Variants in LRP1B observed in about 807,000 individuals in gnomAD.
LRP1B encodes the protein LDL receptor related protein 1B.
Under a neutral mutation model 556.6 loss-of-function variants are expected in LRP1B, and 217 were observed. The ratio of observed to expected loss-of-function variants is 0.39; its 90% CI spans 0.35 to 0.44. The LOEUF (loss-of-function observed/expected upper bound fraction) is 0.44, where lower values mean the gene tolerates loss of function less well. Among genes scored for constraint, LRP1B ranks in the 20% least tolerant of loss-of-function variants. LRP1B has a pLI of 1.00. For missense variants in LRP1B, 5,053 were observed against 5,620.8 expected, an observed-to-expected ratio of 0.90 and a Z score of 3.23; for synonymous variants, 2,047 against 1,865.8, an observed-to-expected ratio of 1.10 and a Z score of -2.50.
chr2:141,721,856 C>T (rs1692826118), intron 2 of LRP1B, among the ~76,000 whole-genome samples: 1 of 152,136 alleles, frequency 6.6e-6, no homozygotes, highest in Admixed American at 6.6e-5. Flanking sequence ...TCAACTGCAT[C>T]CTTTATCCAG....
chr2:141,718,150 A>C (rs770758474), intron 2 of LRP1B, among the ~76,000 whole-genome samples: 3 of 152,208 alleles, frequency 2.0e-5, no homozygotes, highest in Non-Finnish European at 4.4e-5. Flanking sequence ...GACTCTTTGC[A>C]CACAGCTGGA....
intron 41 of LRP1B, among the ~76,000 whole-genome samples, chr2:140,656,298 T>C (rs1684877015): frequency 6.6e-6 from 1 of 152,178 alleles, no homozygotes; most frequent in African/African-American, 2.4e-5. Context: ...TTTAAAGGGA[T>C]GTACTAATTC....
In LRP1B at chr2:141,657,837, A is replaced by G. The variant is rs1165352724; in HGVS notation, c.205+152442T>C. ...GCCTTTCTGAAATAATCTTTTGTTA[A>G]GTAAAACATCCTCCTTTATTCAAAT... On this transcript the variant is annotated intron_variant, in intron 2 of 90. Coordinates refer to ENST00000389484, the MANE Select transcript of LRP1B (RefSeq NM_018557.3). Among the ~76,000 whole-genome samples the G allele has an allele frequency of 4.6e-5, 7 of 152,166 alleles. No individual in the cohort carries two copies. In the South Asian group the frequency reaches 1.4e-3, roughly 32 times the overall value.
intron 86 of LRP1B, among the ~76,000 whole-genome samples, chr2:140,267,339 TG>T (rs1682252602): frequency 6.6e-6 from 1 of 151,994 alleles, no homozygotes; most frequent in Non-Finnish European, 1.5e-5. Flanking sequence ...TCAGTATCTG[TG>T]GGGAACTGGT....
At chr2:140,702,645 C>T (rs1686692092) in intron 37 of LRP1B, 92 bp from the exon 38 acceptor site, 4 of 1,067,614 alleles carry the variant, frequency 3.7e-6, no homozygotes, top group Admixed American at 2.1e-5. Flanking sequence ...ACAGCAGTAG[C>T]ATTCACACTA....
At chr2:141,620,663 A>T (rs58734528) in intron 2 of LRP1B, among the ~76,000 whole-genome samples, 3,239 of 152,262 alleles carry the variant, frequency 0.021, 117 homozygotes, top group African/African-American at 0.074. Context: ...TGTTCAAATC[A>T]CTCATGGTGG....
intron 29 of LRP1B, among the ~76,000 whole-genome samples, chr2:140,849,395 AC>A (rs1559154964): frequency 4.3e-5 from 3 of 70,242 alleles, no homozygotes; most frequent in African/African-American, 1.2e-4. Flanking sequence ...AAAACAAAAA[AC>A]AAAAAACAAA....
intron 2 of LRP1B, among the ~76,000 whole-genome samples, chr2:141,608,730 T>C (rs1688006373): frequency 6.6e-6 from 1 of 152,218 alleles, no homozygotes; most frequent in Non-Finnish European, 1.5e-5. Context: ...TATGGCCCAT[T>C]AACAACAAAT....
chr2:140,589,673 T>G (rs1247623270), intron 43 of LRP1B, among the ~76,000 whole-genome samples: 2 of 152,200 alleles, frequency 1.3e-5, no homozygotes, highest in East Asian at 1.9e-4. Flanking sequence ...TTTTACTGAA[T>G]GGAAAGGGTC....
chr2:141,540,308 AG>A (rs971538316), intron 2 of LRP1B, among the ~76,000 whole-genome samples: 6 of 151,232 alleles, frequency 4.0e-5, no homozygotes, highest in African/African-American at 1.5e-4. Context: ...CAAAAAAAAA[AG>A]CATAAAAACA....
intron 3 of LRP1B, among the ~76,000 whole-genome samples, chr2:141,306,143 A>T (rs771369224): frequency 2.1e-4 from 26 of 124,106 alleles, no homozygotes; most frequent in Non-Finnish European, 3.9e-4. Flanking sequence ...AATTATTTAG[A>T]ATAGTTTGAG....
intron 3 of LRP1B, among the ~76,000 whole-genome samples, chr2:141,465,543 C>CTCTT (rs748655842): frequency 1.7e-5 from 2 of 117,314 alleles, no homozygotes; most frequent in Non-Finnish European, 3.8e-5. Flanking sequence ...CACAGCATGA[C>CTCTT]TTTTTTTTTT....
chr2:140,612,154 G>A (rs1181966237), intron 41 of LRP1B, among the ~76,000 whole-genome samples: 1 of 152,014 alleles, frequency 6.6e-6, no homozygotes, highest in Non-Finnish European at 1.5e-5. Context: ...GTCTATACTA[G>A]AAGAAAAAGT....
intron 32 of LRP1B, among the ~76,000 whole-genome samples, chr2:140,788,923 A>T (rs112358189): frequency 2.3e-4 from 35 of 152,306 alleles, no homozygotes; most frequent in African/African-American, 8.2e-4. Flanking sequence ...TACACACAGA[A>T]AAGACTGTGA....
At chr2:141,114,828 CCATATGTGCACATACACA>C (rs1553461846) in intron 7 of LRP1B, among the ~76,000 whole-genome samples, 3 of 151,984 alleles carry the variant, frequency 2.0e-5, no homozygotes, top group Non-Finnish European at 4.4e-5. Context: ...GTGGGTGCGT[CCATATGTGCACATACACA>C]CATACATGTC....
chr2:140,961,441 A>G (rs968102888), intron 18 of LRP1B, among the ~76,000 whole-genome samples: 2 of 152,032 alleles, frequency 1.3e-5, no homozygotes, highest in African/African-American at 2.4e-5. Flanking sequence ...TAAAATCAAA[A>G]TCACCCTTTA....
At chr2:140,373,968 A>G (rs1219377934) in intron 68 of LRP1B, among the ~76,000 whole-genome samples, 1 of 152,094 alleles carries the variant, frequency 6.6e-6, no homozygotes, top group Non-Finnish European at 1.5e-5. Flanking sequence ...CTTTGCACCA[A>G]TCCTTTTACA....
At chr2:141,637,754 T>A (rs1689157181) in intron 2 of LRP1B, among the ~76,000 whole-genome samples, 1 of 152,186 alleles carries the variant, frequency 6.6e-6, no homozygotes, top group Non-Finnish European at 1.5e-5. Flanking sequence ...GATGTTTGGA[T>A]GTTTGCCCTC....
rs1313212744 is a variant in LRP1B, at chr2:140,908,099, T to C, written c.3320-22A>G. Reference sequence around the variant, plus strand: ...CTCCCTTAAGAAAACAGAAATAGTGTCAGTTTGATTTTTGTGATTAGGTCA... The same window carrying C: ...CTCCCTTAAGAAAACAGAAATAGTGCCAGTTTGATTTTTGTGATTAGGTCA... On this transcript the variant is annotated intron_variant, in intron 21 of 90. Coordinates refer to ENST00000389484, the MANE Select transcript of LRP1B (RefSeq NM_018557.3). 5 of 1,596,368 alleles carry C rather than the reference T, an allele frequency of 3.1e-6. No homozygotes were observed. The South Asian group carries it at 5.5e-5, about 18-fold the overall frequency.
Sources: allele counts gnomAD v4.1 joint callset (sites outside exome capture counted in the v4.1 genomes callset), GRCh38; gene constraint gnomAD v4.1.1; transcripts MANE v1.5; gene names NCBI Gene and HGNC (gene_info 2026-07-23, HGNC 2026-07-21).